The following GABRG2 variants were observed in gnomAD, a reference collection of about 807,000 sequenced individuals.
GABRG2 encodes the protein gamma-aminobutyric acid receptor subunit gamma-2.
A neutral mutation model predicts 56.4 loss-of-function variants in GABRG2; 16 were observed. That is an observed-to-expected ratio of 0.28 (90% CI 0.19 to 0.43). The LOEUF is 0.43. GABRG2 is among the 20% of genes least tolerant of loss of function. GABRG2 has a pLI of 1.00. For missense variants in GABRG2, 327 were observed against 582.7 expected, an observed-to-expected ratio of 0.56 and a Z score of 4.52; for synonymous variants, 208 against 205.5, an observed-to-expected ratio of 1.01 and a Z score of -0.10.
At chr5:162,140,589 C>T (rs184785294) in intron 6 of GABRG2, among the ~76,000 whole-genome samples, 2 of 152,226 alleles carry the variant, frequency 1.3e-5, no homozygotes, top group East Asian at 3.9e-4. Context: ...AACGTAGGCA[C>T]AAAGCCAACT....
intron 6 of GABRG2, among the ~76,000 whole-genome samples, chr5:162,109,844 G>A (rs2113411057): frequency 6.6e-6 from 1 of 151,948 alleles, no homozygotes; most frequent in East Asian, 1.9e-4. Context: ...CTGAGATGTG[G>A]GCTAGAAAAG....
rs374583375 is a variant in GABRG2 at position 162,136,557 on chromosome 5, G to A, written c.770-5607G>A. 1.2e-3 allele frequency among the ~76,000 whole-genome samples: 190 copies of A among 152,172 alleles called. 3 individuals carry two copies. In the South Asian group the frequency reaches 0.021, roughly 17 times the overall value. On this transcript the variant is annotated intron_variant, in intron 6 of 9. Coordinates refer to ENST00000639213, the MANE Select transcript of GABRG2 (RefSeq NM_198904.4). ...GGTAAAGAGATTATTCAGCAATCTAGGGGAGAGATGATGGCAGGAAGAATA... is the reference window on the plus strand; with the variant it reads ...GGTAAAGAGATTATTCAGCAATCTAAGGGAGAGATGATGGCAGGAAGAATA...
At chr5:162,143,072 G>T (rs73800427) in intron 7 of GABRG2, among the ~76,000 whole-genome samples, 2,075 of 152,242 alleles carry the variant, frequency 0.014, 51 homozygotes, top group African/African-American at 0.046. Context: ...GAAGCTGCTT[G>T]CACCAGCTCA....
chr5:162,106,612 C>T (rs1761847108), intron 6 of GABRG2, among the ~76,000 whole-genome samples: 1 of 152,112 alleles, frequency 6.6e-6, no homozygotes, highest in Non-Finnish European at 1.5e-5. Flanking sequence ...TCAATCTTAG[C>T]CAATTATAAT....
At chr5:162,148,506 A>G (rs1165872103) in intron 7 of GABRG2, among the ~76,000 whole-genome samples, 1 of 152,214 alleles carries the variant, frequency 6.6e-6, no homozygotes, top group Non-Finnish European at 1.5e-5. Context: ...GCATCTTTGA[A>G]TAATTTCTCC....
In GABRG2 at chr5:162,103,532, G is replaced by A. The variant is rs114981442; in HGVS notation, c.632-357G>A. On this transcript the variant is annotated intron_variant, in intron 5 of 9. Transcript: ENST00000639213. ...TGCTCTGTTAACTGCCTTTCACTGT[G>A]ATACAAGACTTTGTATTTCTACTAT... 837 of 232,888 alleles carry A rather than the reference G, an allele frequency of 3.6e-3. 6 individuals are homozygous for A. Among genetic ancestry groups the A allele is most frequent in the African/African-American group, 0.017 (744 of 44,232 alleles). The allele number at this position is 232,888 out of a possible 1,614,324, so 14.4% of individuals were successfully genotyped here.
intron 6 of GABRG2, among the ~76,000 whole-genome samples, chr5:162,138,008 C>A (rs1764264934): frequency 6.6e-6 from 1 of 151,886 alleles, no homozygotes; most frequent in Non-Finnish European, 1.5e-5. Flanking sequence ...AATCCATGTA[C>A]CTTGTGCTCC....
At chr5:162,105,196 A>G (rs1467174641) in intron 6 of GABRG2, among the ~76,000 whole-genome samples, 1 of 152,180 alleles carries the variant, frequency 6.6e-6, no homozygotes, top group African/African-American at 2.4e-5. Flanking sequence ...TAAAGGACCT[A>G]CACAAAGATG....
intron 1 of GABRG2, among the ~76,000 whole-genome samples, chr5:162,078,397 ATTTTTTTTT>A (rs869191596): frequency 6.5e-5 from 2 of 30,686 alleles, no homozygotes; most frequent in African/African-American, 1.7e-4. Flanking sequence ...ATATATATAT[ATTTTTTTTT>A]TTTTTTTTTT....
chr5:162,095,410 ATAAATC>A, intron 2 of GABRG2, 79 bp from the exon 3 acceptor site: 1 of 836,182 alleles, frequency 1.2e-6, no homozygotes, highest in Middle Eastern at 2.2e-4. Flanking sequence ...ATGTAGCTAA[ATAAATC>A]TATTCTAGAA....
chr5:162,144,164 G>A (rs1764785675), intron 7 of GABRG2, among the ~76,000 whole-genome samples: 1 of 152,186 alleles, frequency 6.6e-6, no homozygotes, highest in South Asian at 2.1e-4. Context: ...TCATCAGAAT[G>A]TCAGTCTTGT....
chr5:162,102,590 G>A (rs1465187806), intron 5 of GABRG2: 2 of 454,206 alleles, frequency 4.4e-6, no homozygotes, highest in Middle Eastern at 6.7e-4. Flanking sequence ...ATGTGCAGTG[G>A]TGTGATCTCG....
chr5:162,114,942 C>T (rs1300389208), intron 6 of GABRG2, among the ~76,000 whole-genome samples: 2 of 151,226 alleles, frequency 1.3e-5, no homozygotes, highest in African/African-American at 4.8e-5. Context: ...GGTTTGTTGC[C>T]GTTTTGCTTT....
intron 6 of GABRG2, among the ~76,000 whole-genome samples, chr5:162,125,463 C>T (rs1763278638): frequency 6.9e-6 from 1 of 144,086 alleles, no homozygotes; most frequent in South Asian, 2.1e-4. Context: ...ATTGAGGTCT[C>T]AACGCAAATG....
At chr5:162,137,702 CTTTT>C (rs1764236207) in intron 6 of GABRG2, among the ~76,000 whole-genome samples, 1 of 152,056 alleles carries the variant, frequency 6.6e-6, no homozygotes, top group Non-Finnish European at 1.5e-5. Flanking sequence ...AGCACTCTTT[CTTTT>C]TCTTTTCTTT....
At chr5:162,138,878 G>C (rs1340822781) in intron 6 of GABRG2, among the ~76,000 whole-genome samples, 1 of 152,036 alleles carries the variant, frequency 6.6e-6, no homozygotes, top group Non-Finnish European at 1.5e-5. Flanking sequence ...GGGTTCAATA[G>C]AGGGAAAGAC....
At chr5:162,130,091 G>A (rs1257678022) in intron 6 of GABRG2, among the ~76,000 whole-genome samples, 1 of 151,652 alleles carries the variant, frequency 6.6e-6, no homozygotes, top group African/African-American at 2.4e-5. Flanking sequence ...TATATAGTAT[G>A]GTAAAGTGTA....
intron 1 of GABRG2, among the ~76,000 whole-genome samples, chr5:162,087,742 A>G (rs1032652494): frequency 6.6e-6 from 1 of 152,172 alleles, no homozygotes; most frequent in Non-Finnish European, 1.5e-5. Flanking sequence ...CTCCCAATTT[A>G]GTTTGAATGT....
chr5:162,142,606 G>C (rs946309996), intron 7 of GABRG2: 5 of 356,048 alleles, frequency 1.4e-5, no homozygotes, highest in Non-Finnish European at 2.2e-5. Flanking sequence ...GTAGGGACAT[G>C]GATGAAGCTG....
Sources: gnomAD v4.1 joint callset for allele counts (sites outside exome capture counted in the v4.1 genomes callset) on GRCh38, gnomAD v4.1.1 for gene constraint, MANE v1.5 for transcripts, NCBI Gene and HGNC (gene_info 2026-07-23, HGNC 2026-07-21) for gene names.